The following ERN1 variants were observed in gnomAD, a reference collection of about 807,000 sequenced individuals.
ERN1 encodes serine/threonine-protein kinase/endoribonuclease IRE1.
Under a neutral mutation model 113.1 loss-of-function variants are expected in ERN1, and 39 were observed. The observed-to-expected ratio is 0.34, with a 90% confidence interval of 0.27 to 0.45. The LOEUF (loss-of-function observed/expected upper bound fraction) is 0.45, where lower values mean the gene tolerates loss of function less well. ERN1 is among the 20% of genes least tolerant of loss of function. The pLI is 1.00. For synonymous variants in ERN1, 507 were observed against 515.9 expected, an observed-to-expected ratio of 0.98 and a Z score of 0.23; for missense variants, 976 against 1,274.8, an observed-to-expected ratio of 0.77 and a Z score of 3.57.
chr17:64,128,076 C>T (rs890828722), intron 1 of ERN1, among the ~76,000 whole-genome samples: 3 of 151,744 alleles, frequency 2.0e-5, no homozygotes, highest in Non-Finnish European at 2.9e-5. Context: ...ATCTCTGCAA[C>T]CTCTGCCTCC....
Position 64,130,127 on chromosome 17 carries a change from C to T in ERN1, c.-98G>A. 8.9e-7 allele frequency: 1 copy of T among 1,118,832 alleles called. No homozygotes were observed. Among genetic ancestry groups the T allele is most frequent in the African/African-American group, 1.6e-5 (1 of 61,396 alleles). 69.3% of individuals were successfully genotyped at this position (1,118,832 alleles called of 1,614,324 possible). On this transcript the variant is annotated 5_prime_UTR_variant, in exon 1 of 22. Transcript: ENST00000433197. The surrounding 1 kb of genome is among the most constrained non-coding windows in gnomAD (Gnocchi z 4.0). ...GGCGGTGACCGAGCCTCAGCGGACG[C>T]AGAACTGACTAGGCAGCGGCGGCAC...
At chr17:64,060,329 T>A in intron 11 of ERN1, 140 bp downstream of exon 11, 1 of 639,360 alleles carries the variant, frequency 1.6e-6, no homozygotes, top group Non-Finnish European at 2.8e-6. Context: ...TAACCATTTA[T>A]GTTTTTTGCT....
chr17:64,118,237 T>C (rs942409435), intron 1 of ERN1, among the ~76,000 whole-genome samples: 1 of 152,138 alleles, frequency 6.6e-6, no homozygotes, highest in Non-Finnish European at 1.5e-5. Flanking sequence ...GAGGGGGAAA[T>C]AACTCATTTG....
intron 1 of ERN1, among the ~76,000 whole-genome samples, chr17:64,117,914 G>A (rs1473002631): frequency 6.6e-6 from 1 of 152,140 alleles, no homozygotes; most frequent in East Asian, 1.9e-4. Flanking sequence ...TGAGGGCGGG[G>A]GTCTTTGTTT....
intron 4 of ERN1, among the ~76,000 whole-genome samples, chr17:64,075,610 T>C (rs987512454): frequency 2.6e-4 from 40 of 152,278 alleles, no homozygotes; most frequent in Non-Finnish European, 4.3e-4. Context: ...ATTTTCCACA[T>C]CTATTTTGAC....
intron 12 of ERN1, among the ~76,000 whole-genome samples, chr17:64,056,173 C>G (rs893699958): frequency 1.3e-5 from 2 of 152,196 alleles, no homozygotes; most frequent in African/African-American, 2.4e-5. Context: ...ACTCCCCAAC[C>G]CTAGGAGGGG....
At position 64,041,040 on chromosome 17, in the gene ERN1, C is replaced by CGAGTA. The variant is rs913667795; in HGVS notation, c.*2947_*2948insTACTC. 2 of 152,038 alleles carry CGAGTA rather than the reference C, an allele frequency of 1.3e-5. No individual in the cohort carries two copies. The highest frequency in any genetic ancestry group is 4.8e-5 in the African/African-American group (2 of 41,368). 9.4% of individuals were successfully genotyped at this position (152,038 alleles called of 1,614,324 possible). A position where few individuals can be genotyped will look rare whatever the true frequency, so the allele number is the denominator to read the frequency against. On this transcript the variant is annotated 3_prime_UTR_variant, in exon 22 of 22. Coordinates refer to ENST00000433197, the MANE Select transcript of ERN1 (RefSeq NM_001433.5). ...GCACACACCTGTAATCCCAGCTACT[C>CGAGTA]GGGAGGCTGAGGCAGGAGAATTGCT...
intron 15 of ERN1, chr17:64,053,887 T>C (rs191115345): frequency 2.3e-5 from 5 of 217,004 alleles, no homozygotes; most frequent in East Asian, 1.2e-4. Context: ...TAAATGGGTA[T>C]AGACATTTGT....
intron 1 of ERN1, among the ~76,000 whole-genome samples, chr17:64,099,150 G>A (rs1295405377): frequency 6.6e-6 from 1 of 152,124 alleles, no homozygotes; most frequent in Non-Finnish European, 1.5e-5. Context: ...CATATGTTCA[G>A]TGAAATAATT....
At chr17:64,078,502 T>C (rs1913667013) in intron 4 of ERN1, among the ~76,000 whole-genome samples, 1 of 152,244 alleles carries the variant, frequency 6.6e-6, no homozygotes, top group Non-Finnish European at 1.5e-5. Context: ...ATTTATAGTG[T>C]TCTTTAATAT....
chr17:64,071,866 G>T, intron 6 of ERN1, 115 bp downstream of exon 6: 6 of 1,082,016 alleles, frequency 5.5e-6, no homozygotes, highest in Non-Finnish European at 6.7e-6. Flanking sequence ...TGACATGATG[G>T]GACCTGTGTT....
intron 2 of ERN1, among the ~76,000 whole-genome samples, chr17:64,089,182 G>C (rs1914017794): frequency 6.6e-6 from 1 of 151,964 alleles, no homozygotes; most frequent in Non-Finnish European, 1.5e-5. Flanking sequence ...AGCCGGGCAT[G>C]GTGGCAGGCA....
At chr17:64,082,850 ATT>A (rs10694066) in intron 2 of ERN1, among the ~76,000 whole-genome samples, 2 of 150,578 alleles carry the variant, frequency 1.3e-5, no homozygotes, top group Non-Finnish European at 3.0e-5. Context: ...AAGAACTGTG[ATT>A]TTTTTTTTCT....
chr17:64,104,246 T>C (rs545444605), intron 1 of ERN1, among the ~76,000 whole-genome samples: 1 of 151,944 alleles, frequency 6.6e-6, no homozygotes, highest in Admixed American at 6.6e-5. Flanking sequence ...TGTCTCAAAA[T>C]AAAACAAACA....
rs1044902699 is a variant in ERN1, at chr17:64,041,867, G to A, written c.*2121C>T. On this transcript the variant is annotated 3_prime_UTR_variant, in exon 22 of 22. Coordinates refer to ENST00000433197, the MANE Select transcript of ERN1 (RefSeq NM_001433.5). ...AAATACATTGAATAAATGATTTTGA[G>A]AAATCTGCGTGGTTAGAAACTAGTA... The A allele has an allele frequency of 6.6e-6, 1 of 152,326 alleles. No homozygotes were observed. The highest frequency in any genetic ancestry group is 1.5e-5 in the Non-Finnish European group (1 of 68,036). 9.4% of individuals were successfully genotyped at this position (152,326 alleles called of 1,614,324 possible). A position where few individuals can be genotyped will look rare whatever the true frequency, so the allele number is the denominator to read the frequency against.
chr17:64,044,984 A>G lies in ERN1; in HGVS notation c.2654-57T>C. On this transcript the variant is annotated intron_variant, in intron 20 of 21. Transcript: ENST00000433197. This position sits in a 1 kb window ranked among gnomAD's most constrained non-coding sequence, Gnocchi z 4.1. ...TCAAATTTAAAACTAATACATTTTA[A>G]AAGAAAACAATTCATGGGGTCCTGG... is the stretch of plus-strand genomic sequence containing the variant. 1 of 1,257,688 alleles carries G rather than the reference A, an allele frequency of 8.0e-7. No individual in the cohort carries two copies. Among genetic ancestry groups the G allele is most frequent in the East Asian group, 2.5e-5 (1 of 39,878 alleles). The allele number at this position is 1,257,688 out of a possible 1,614,324, so 77.9% of individuals were successfully genotyped here.
chr17:64,099,318 T>C lies in ERN1; in HGVS notation c.55-1077A>G, dbSNP rs540130712. Among the ~76,000 whole-genome samples the C allele has an allele frequency of 2.6e-5, 4 of 151,986 alleles. No individual in the cohort carries two copies. The East Asian group carries it at 7.7e-4, about 29-fold the overall frequency. Reference sequence around the variant, plus strand: ...GCCTGTCTTCTGGCTTTGCTAGGAATTGTACCCTCATTCCACAGGGTTTCC... The same window carrying C: ...GCCTGTCTTCTGGCTTTGCTAGGAACTGTACCCTCATTCCACAGGGTTTCC... On this transcript the variant is annotated intron_variant, in intron 1 of 21. Coordinates refer to ENST00000433197, the MANE Select transcript of ERN1 (RefSeq NM_001433.5).
chr17:64,129,996 G>A lies in ERN1; in HGVS notation c.34C>T (p.Leu12=). ...CTCACCCCGAGGCCGGGCAGCAGCA[G>A]CGTCAGCAGCAGCAGCAGCCGCCGG... ...PARRLLLLLT[L]LLPGLGIFGS... is the part of the protein sequence containing the mutation. The change falls in exon 1 of 22, where the codon CTG becomes TTG. Residue 12 remains leucine, a synonymous_variant. Coordinates refer to ENST00000433197, the MANE Select transcript of ERN1 (RefSeq NM_001433.5). 1 of 1,448,890 alleles carries A rather than the reference G, an allele frequency of 6.9e-7. No homozygotes were observed. The highest frequency in any genetic ancestry group is 9.0e-7 in the Non-Finnish European group (1 of 1,106,488). The allele number at this position is 1,448,890 out of a possible 1,614,324, so 89.8% of individuals were successfully genotyped here. A position where few individuals can be genotyped will look rare whatever the true frequency, so the allele number is the denominator to read the frequency against.
intron 1 of ERN1, among the ~76,000 whole-genome samples, chr17:64,119,546 G>A (rs1455019737): frequency 1.3e-5 from 2 of 151,654 alleles, no homozygotes; most frequent in Admixed American, 6.6e-5. Flanking sequence ...GCGCCACCAC[G>A]CCTGGCTAAT....
Sources: gnomAD v4.1 joint callset for allele counts (sites outside exome capture counted in the v4.1 genomes callset) on GRCh38, gnomAD v4.1.1 for gene constraint, Gnocchi (gnomAD v3.1) non-coding constraint, MANE v1.5 for transcripts, NCBI Gene and HGNC (gene_info 2026-07-23, HGNC 2026-07-21) for gene names.